The following GALNTL6 variants were observed in gnomAD, a reference collection of about 807,000 sequenced individuals.
The protein encoded by GALNTL6 is polypeptide N-acetylgalactosaminyltransferase like 6.
In GALNTL6, 46 loss-of-function variants were observed where a neutral mutation model predicts 73.7. The observed-to-expected ratio is 0.62, with a 90% CI of 0.49 to 0.80. GALNTL6 has a LOEUF of 0.80. Ranked by LOEUF, GALNTL6 falls within the 30% of genes least tolerant of loss-of-function variation. The pLI is 0.00. For missense variants in GALNTL6, 604 were observed against 755.0 expected (o/e 0.80, Z 2.34); for synonymous variants, 259 against 263.7 (o/e 0.98, Z 0.17).
At chr4:173,004,974 C>T (rs1041449570) in intron 10 of GALNTL6, among the ~76,000 whole-genome samples, 1 of 152,170 alleles carries the variant, frequency 6.6e-6, no homozygotes, top group Non-Finnish European at 1.5e-5. Context: ...ATTTGTTAAG[C>T]TAAGGCTAGT....
chr4:172,233,857 A>G (rs1023998061), intron 3 of GALNTL6, among the ~76,000 whole-genome samples: 4 of 152,102 alleles, frequency 2.6e-5, no homozygotes, highest in African/African-American at 9.7e-5. Context: ...TGGATAAATT[A>G]GGAGATAACT....
intron 8 of GALNTL6, among the ~76,000 whole-genome samples, chr4:172,915,904 G>T (rs556638577): frequency 7.4e-4 from 112 of 152,228 alleles, no homozygotes; most frequent in Admixed American, 7.0e-3. Flanking sequence ...TATGAGGCCA[G>T]CATCATCCTG....
chr4:172,118,572 T>A (rs1733051954), intron 2 of GALNTL6, among the ~76,000 whole-genome samples: 1 of 151,966 alleles, frequency 6.6e-6, no homozygotes. Flanking sequence ...TGGTGGCATA[T>A]GCCTGTAGTC....
chr4:172,041,713 T>A (rs1200766461), intron 2 of GALNTL6, among the ~76,000 whole-genome samples: 1 of 152,042 alleles, frequency 6.6e-6, no homozygotes, highest in Non-Finnish European at 1.5e-5. Flanking sequence ...TTGTATAACT[T>A]GATAGTAGCA....
intron 5 of GALNTL6, among the ~76,000 whole-genome samples, chr4:172,654,769 G>A (rs1037037785): frequency 6.6e-6 from 1 of 152,142 alleles, no homozygotes. Context: ...AAGTAGAAAA[G>A]AAAAACCACA....
At chr4:171,843,593 T>C (rs1735296040) in intron 2 of GALNTL6, among the ~76,000 whole-genome samples, 1 of 152,202 alleles carries the variant, frequency 6.6e-6, no homozygotes, top group African/African-American at 2.4e-5. Context: ...GGGCAAACTT[T>C]GCATTTACTT....
chr4:172,713,278 A>G (rs1007217645), intron 5 of GALNTL6, among the ~76,000 whole-genome samples: 1 of 146,476 alleles, frequency 6.8e-6, no homozygotes, highest in African/African-American at 2.6e-5. Context: ...TTAGAGAGAA[A>G]GAGAAAGATT....
chr4:172,076,851 C>T (rs1731715672), intron 2 of GALNTL6, among the ~76,000 whole-genome samples: 1 of 151,914 alleles, frequency 6.6e-6, no homozygotes, highest in African/African-American at 2.4e-5. Context: ...GATTTGTGTC[C>T]CCACCAAAAT....
chr4:172,975,629 C>T (rs1561065465), intron 10 of GALNTL6, among the ~76,000 whole-genome samples: 4 of 152,282 alleles, frequency 2.6e-5, no homozygotes, highest in East Asian at 1.9e-4. Flanking sequence ...TGTCCCCTGC[C>T]GTCATCCACA....
rs554648717 is a variant in GALNTL6, at chr4:172,866,778, C to A, written c.924-16012C>A. On this transcript the variant is annotated intron_variant, in intron 7 of 12. Coordinates refer to ENST00000506823, the MANE Select transcript of GALNTL6 (RefSeq NM_001034845.3). ...TTTTCCCTGGCCAATTCCCTCTCAC[C>A]CTTCAGGGCCCTAACAAGCACATTT... Among the ~76,000 whole-genome samples the A allele has an allele frequency of 7.9e-5, 12 of 152,220 alleles. No homozygotes were observed. In the South Asian group the frequency reaches 2.3e-3, roughly 29 times the overall value.
At chr4:172,833,212 T>C (rs995132581) in intron 7 of GALNTL6, among the ~76,000 whole-genome samples, 3 of 152,246 alleles carry the variant, frequency 2.0e-5, no homozygotes, top group Non-Finnish European at 2.9e-5. Context: ...ATCCAGCTTA[T>C]ACAAGTTCTT....
chr4:172,838,158 C>T (rs185318410), intron 7 of GALNTL6, among the ~76,000 whole-genome samples: 4 of 152,234 alleles, frequency 2.6e-5, no homozygotes, highest in African/African-American at 9.6e-5. Flanking sequence ...TGGGGGGGCA[C>T]AGATCTGAGT....
At chr4:173,011,593 G>A (rs1294490639) in intron 11 of GALNTL6, among the ~76,000 whole-genome samples, 3 of 152,108 alleles carry the variant, frequency 2.0e-5, no homozygotes, top group Non-Finnish European at 4.4e-5. Flanking sequence ...GCTTCTGCAT[G>A]TGGATATCCA....
chr4:172,249,061 T>C (rs189070881), intron 3 of GALNTL6, among the ~76,000 whole-genome samples: 2 of 151,952 alleles, frequency 1.3e-5, no homozygotes, highest in East Asian at 1.9e-4. Flanking sequence ...TAGGCAGAGG[T>C]TGGAACAGTT....
intron 2 of GALNTL6, among the ~76,000 whole-genome samples, chr4:172,044,651 T>G (rs1220667891): frequency 6.6e-6 from 1 of 152,016 alleles, no homozygotes; most frequent in Non-Finnish European, 1.5e-5. Flanking sequence ...TGTATAACAC[T>G]GGGAAAGAGA....
chr4:172,725,320 A>T (rs924299619), intron 5 of GALNTL6, among the ~76,000 whole-genome samples: 12 of 152,096 alleles, frequency 7.9e-5, no homozygotes, highest in Non-Finnish European at 1.8e-4. Context: ...GCCACCCCCA[A>T]ACTTTTTCAC....
intron 2 of GALNTL6, among the ~76,000 whole-genome samples, chr4:171,939,529 A>G (rs1473153612): frequency 6.6e-6 from 1 of 151,986 alleles, no homozygotes; most frequent in Non-Finnish European, 1.5e-5. Flanking sequence ...CACAGAATGT[A>G]TTTTCAATCT....
At chr4:171,880,514 A>T (rs75387688) in intron 2 of GALNTL6, among the ~76,000 whole-genome samples, 6,310 of 152,332 alleles carry the variant, frequency 0.041, 411 homozygotes, top group African/African-American at 0.14. Context: ...TAGATCACCC[A>T]AAGGGTAGGG....
chr4:172,403,749 A>G (rs1166979972), intron 5 of GALNTL6, among the ~76,000 whole-genome samples: 2 of 151,990 alleles, frequency 1.3e-5, no homozygotes, highest in African/African-American at 4.8e-5. Flanking sequence ...TTCCAAAGCA[A>G]TGGATCTTTG....
Sources: allele counts gnomAD v4.1 joint callset (sites outside exome capture counted in the v4.1 genomes callset), GRCh38; gene constraint gnomAD v4.1.1; transcripts MANE v1.5; gene names NCBI Gene and HGNC (gene_info 2026-07-23, HGNC 2026-07-21).